The following EFCAB6 variants were observed in gnomAD, a reference collection of about 807,000 sequenced individuals.
EFCAB6 encodes the protein EF-hand calcium-binding domain-containing protein 6.
A neutral mutation model predicts 169.8 loss-of-function variants in EFCAB6; 156 were observed. The observed-to-expected ratio is 0.92, with a 90% CI of 0.81 to 1.05. EFCAB6 has a LOEUF of 1.05. Ranked by LOEUF, EFCAB6 falls within the 50% of genes least tolerant of loss-of-function variation. The pLI, the probability that EFCAB6 is intolerant of heterozygous loss-of-function variation, is 0.00. For synonymous variants in EFCAB6, 698 were observed against 676.4 expected, an observed-to-expected ratio of 1.03 and a Z score of -0.50; for missense variants, 1,800 against 1,829.1, an observed-to-expected ratio of 0.98 and a Z score of 0.29.
chr22:43,769,988 G>T (rs1014028587), intron 4 of EFCAB6, among the ~76,000 whole-genome samples: 1 of 151,974 alleles, frequency 6.6e-6, no homozygotes, highest in Non-Finnish European at 1.5e-5. Context: ...CTGAGTAGCT[G>T]GGATTACAGG....
intron 25 of EFCAB6, among the ~76,000 whole-genome samples, chr22:43,578,438 C>T (rs1372870282): frequency 1.3e-5 from 2 of 152,044 alleles, no homozygotes; most frequent in African/African-American, 4.8e-5. Context: ...CTCTGGGTGC[C>T]GGCTTCCCAC....
intron 2 of EFCAB6, among the ~76,000 whole-genome samples, chr22:43,794,814 C>T (rs1240357826): frequency 6.6e-6 from 1 of 152,154 alleles, no homozygotes; most frequent in African/African-American, 2.4e-5. Context: ...CTACTGGCAA[C>T]CCCTAGTCTA....
chr22:43,728,558 T>C (rs773971912), intron 8 of EFCAB6, among the ~76,000 whole-genome samples: 2 of 152,214 alleles, frequency 1.3e-5, no homozygotes, highest in Non-Finnish European at 2.9e-5. Flanking sequence ...TTTCTCCTCA[T>C]CCTCTCCAGC....
chr22:43,610,998 A>C (rs2053260835), intron 21 of EFCAB6, among the ~76,000 whole-genome samples: 1 of 152,220 alleles, frequency 6.6e-6, no homozygotes, highest in Non-Finnish European at 1.5e-5. Context: ...ATAAGCAGAA[A>C]ACTTTACAGG....
intron 27 of EFCAB6, among the ~76,000 whole-genome samples, chr22:43,544,264 A>G (rs1231509152): frequency 2.0e-5 from 3 of 152,132 alleles, no homozygotes; most frequent in East Asian, 1.9e-4. Context: ...CCCATACTTC[A>G]TAGAGAAAAT....
At chr22:43,567,563 A>G (rs1051015046) in intron 26 of EFCAB6, among the ~76,000 whole-genome samples, 5 of 152,192 alleles carry the variant, frequency 3.3e-5, no homozygotes, top group African/African-American at 4.8e-5. Context: ...CAATGAGCCT[A>G]GGAGGCACAC....
At chr22:43,726,657 G>A (rs2059750188) in intron 8 of EFCAB6, among the ~76,000 whole-genome samples, 3 of 152,318 alleles carry the variant, frequency 2.0e-5, no homozygotes, top group Admixed American at 1.3e-4. Flanking sequence ...GTGGCCAGAA[G>A]GCAAGGAAGG....
At chr22:43,718,437 GA>G (rs374411318) in intron 8 of EFCAB6, among the ~76,000 whole-genome samples, 3 of 151,140 alleles carry the variant, frequency 2.0e-5, no homozygotes, top group Admixed American at 2.0e-4. Context: ...AGAAAGGGGA[GA>G]AAAAAAAAGA....
intron 2 of EFCAB6, among the ~76,000 whole-genome samples, chr22:43,784,549 G>A (rs1235155060): frequency 1.3e-5 from 1 of 77,934 alleles, no homozygotes; most frequent in East Asian, 6.3e-4. Flanking sequence ...GTGTGTATAT[G>A]TATATATACA....
At chr22:43,805,434 T>G (rs186139578) in intron 2 of EFCAB6, among the ~76,000 whole-genome samples, 2 of 152,292 alleles carry the variant, frequency 1.3e-5, no homozygotes, top group Non-Finnish European at 2.9e-5. Context: ...GATTAAAAAA[T>G]GAGATAAGCC....
At chr22:43,709,695 C>A (rs1364773968) in intron 10 of EFCAB6, among the ~76,000 whole-genome samples, 1 of 152,078 alleles carries the variant, frequency 6.6e-6, no homozygotes, top group Admixed American at 6.5e-5. Flanking sequence ...TTTATTATTG[C>A]TATTAAATTA....
In EFCAB6 at chr22:43,788,445, G is replaced by A. The variant is rs376443632; in HGVS notation, c.-7-6120C>T. ...GGATTTGAATAGACATTTCTTCAAAGAAAATATACAAATGACCAGTAAGTA... is the reference window on the plus strand; with the variant it reads ...GGATTTGAATAGACATTTCTTCAAAAAAAATATACAAATGACCAGTAAGTA... On this transcript the variant is annotated intron_variant, in intron 2 of 31. Transcript: ENST00000262726. Among the ~76,000 whole-genome samples, 72 of 152,152 alleles carry A rather than the reference G, an allele frequency of 4.7e-4. No individual in the cohort carries two copies. In the South Asian group the frequency reaches 0.014, roughly 30 times the overall value.
intron 26 of EFCAB6, among the ~76,000 whole-genome samples, chr22:43,559,578 C>T (rs982797190): frequency 9.8e-5 from 15 of 152,312 alleles, no homozygotes; most frequent in African/African-American, 3.4e-4. Context: ...TTTATTGTGG[C>T]ACTATTTACA....
intron 27 of EFCAB6, among the ~76,000 whole-genome samples, chr22:43,542,987 C>T (rs2147089973): frequency 6.6e-6 from 1 of 152,294 alleles, no homozygotes; most frequent in East Asian, 1.9e-4. Context: ...CTGAGAAAGA[C>T]ACCACCATGG....
chr22:43,580,984 G>C (rs1286676586), intron 24 of EFCAB6, among the ~76,000 whole-genome samples: 1 of 152,228 alleles, frequency 6.6e-6, no homozygotes, highest in African/African-American at 2.4e-5. Context: ...TAAGGGAGGT[G>C]TCTGCTGAGA....
intron 10 of EFCAB6, among the ~76,000 whole-genome samples, chr22:43,708,890 T>C (rs1158477479): frequency 6.6e-6 from 1 of 152,166 alleles, no homozygotes; most frequent in Non-Finnish European, 1.5e-5. Flanking sequence ...TCCAGTAACC[T>C]ATTCCACTGG....
intron 23 of EFCAB6, among the ~76,000 whole-genome samples, chr22:43,591,635 G>C (rs905902970): frequency 1.6e-4 from 24 of 152,140 alleles, no homozygotes; most frequent in African/African-American, 5.8e-4. Context: ...CAGCATGCAA[G>C]CCCAGGGCAG....
rs868695534 is a variant in EFCAB6, at chr22:43,799,362, C to T, written c.-8+9633G>A. Among the ~76,000 whole-genome samples the T allele has an allele frequency of 9.2e-5, 14 of 151,640 alleles. 1 individual carries two copies. The highest frequency in any genetic ancestry group is 3.4e-3 in the Middle Eastern group (1 of 294). On this transcript the variant is annotated intron_variant, in intron 2 of 31. Transcript: ENST00000262726. ...ACACACACACACACACACACACAAA[C>T]ATGTACAATATCAAATTATACATGT...
At chr22:43,607,757 G>A (rs1480583732) in intron 22 of EFCAB6, among the ~76,000 whole-genome samples, 1 of 152,168 alleles carries the variant, frequency 6.6e-6, no homozygotes, top group Non-Finnish European at 1.5e-5. Context: ...TACGATGTTG[G>A]TATACCATCC....
Sources: gnomAD v4.1 joint callset for allele counts (sites outside exome capture counted in the v4.1 genomes callset) on GRCh38, gnomAD v4.1.1 for gene constraint, MANE v1.5 for transcripts, NCBI Gene and HGNC (gene_info 2026-07-23, HGNC 2026-07-21) for gene names.